The following LAMA4 variants were observed in gnomAD, a reference collection of about 807,000 sequenced individuals.
LAMA4 encodes laminin subunit alpha 4, also known as laminin subunit alpha-4.
In LAMA4, 127 loss-of-function variants were observed where a neutral mutation model predicts 207.1. The observed-to-expected ratio is 0.61, with a 90% CI of 0.53 to 0.71. The LOEUF (loss-of-function observed/expected upper bound fraction) is 0.71, where lower values mean the gene tolerates loss of function less well. Ranked by LOEUF, LAMA4 falls within the 30% of genes least tolerant of loss-of-function variation. The pLI is 0.00. For missense variants in LAMA4, 2,093 were observed against 2,246.5 expected (o/e 0.93, Z 1.38); for synonymous variants, 761 against 816.0 (o/e 0.93, Z 1.15).
chr6:112,141,557 T>C, intron 20 of LAMA4, 54 bp from the exon 21 acceptor site: 1 of 1,344,248 alleles, frequency 7.4e-7, no homozygotes, highest in Admixed American at 1.7e-5. Flanking sequence ...AGAATGAACA[T>C]CATCTTTTTT....
chr6:112,164,740 G>T (rs538788530), intron 13 of LAMA4, among the ~76,000 whole-genome samples: 3 of 152,280 alleles, frequency 2.0e-5, no homozygotes, highest in African/African-American at 7.2e-5. Flanking sequence ...TTGAATGCCA[G>T]ATTTATCAAA....
At chr6:112,201,574 C>A in intron 5 of LAMA4, 34 bp downstream of exon 5, 2 of 1,549,012 alleles carry the variant, frequency 1.3e-6, no homozygotes, top group Non-Finnish European at 1.8e-6. Context: ...CTTCCTTTGA[C>A]CCACACAGAA....
intron 4 of LAMA4, among the ~76,000 whole-genome samples, chr6:112,205,665 C>T (rs1326176904): frequency 6.6e-6 from 1 of 151,988 alleles, no homozygotes; most frequent in Non-Finnish European, 1.5e-5. Context: ...ATAACAGGCA[C>T]CTTTCAACCA....
intron 2 of LAMA4, among the ~76,000 whole-genome samples, chr6:112,245,770 C>G (rs1786865780): frequency 6.6e-6 from 1 of 152,136 alleles, no homozygotes; most frequent in African/African-American, 2.4e-5. Context: ...TTTAGGTAAA[C>G]ACGGATCTCT....
intron 2 of LAMA4, among the ~76,000 whole-genome samples, chr6:112,250,745 T>C (rs1307340939): frequency 6.6e-6 from 1 of 152,178 alleles, no homozygotes; most frequent in African/African-American, 2.4e-5. Flanking sequence ...TCCAACCTCA[T>C]GTTCTTGACC....
intron 2 of LAMA4, among the ~76,000 whole-genome samples, chr6:112,231,663 T>C (rs531037591): frequency 6.6e-6 from 1 of 152,316 alleles, no homozygotes; most frequent in Admixed American, 6.5e-5. Context: ...TTGTGTAATA[T>C]ACACCAGCAT....
chr6:112,143,579 C>T lies in LAMA4; in HGVS notation c.2493+1215G>A, dbSNP rs150185697. ...GATTACAGGCATGAGCCACCGCACC[C>T]GGCCAAGACCAATACATCTTAATAA... is the stretch of plus-strand genomic sequence containing the variant. On this transcript the variant is annotated intron_variant, in intron 19 of 38. Transcript: ENST00000230538. 2.9e-3 allele frequency among the ~76,000 whole-genome samples: 442 copies of T among 152,258 alleles called. 2 individuals carry two copies. Among genetic ancestry groups the T allele is most frequent in the African/African-American group, 0.01 (418 of 41,526 alleles).
In LAMA4 at chr6:112,207,537, C is replaced by CCAACCAACCAACCAACCAACCAAA. The variant is rs562898394; in HGVS notation, c.298-393_298-392insTTTGGTTGGTTGGTTGGTTGGTTG. 5.5e-3 allele frequency among the ~76,000 whole-genome samples: 836 copies of CCAACCAACCAACCAACCAACCAAA among 151,088 alleles called. 14 individuals are homozygous for CCAACCAACCAACCAACCAACCAAA. Among genetic ancestry groups the CCAACCAACCAACCAACCAACCAAA allele is most frequent in the African/African-American group, 0.019 (790 of 40,558 alleles). ...AATGAGAAACCAACCAACCAACCAA[C>CCAACCAACCAACCAACCAACCAAA]CAAACAAACAAACATCCCCCTGGTA... is the stretch of plus-strand genomic sequence containing the variant. On this transcript the variant is annotated intron_variant, in intron 3 of 38. Transcript: ENST00000230538.
intron 12 of LAMA4, among the ~76,000 whole-genome samples, chr6:112,170,500 A>G (rs1348879577): frequency 6.6e-6 from 1 of 152,212 alleles, no homozygotes; most frequent in Non-Finnish European, 1.5e-5. Flanking sequence ...GGCTAGGGGT[A>G]TGGGCTTAAA....
chr6:112,112,560 T>C (rs1340350895), intron 38 of LAMA4, among the ~76,000 whole-genome samples: 2 of 152,244 alleles, frequency 1.3e-5, no homozygotes, highest in African/African-American at 2.4e-5. Context: ...ATGCTGCACC[T>C]GCATGAAGTG....
At chr6:112,253,525 GAC>G (rs1338859927) in intron 2 of LAMA4, 3 of 487,994 alleles carry the variant, frequency 6.1e-6, no homozygotes, top group Non-Finnish European at 1.1e-5. Flanking sequence ...TCTAATATGA[GAC>G]AAAAAGATCC....
At position 112,189,079 on chromosome 6, in the gene LAMA4, G is replaced by T. The variant is rs372983171; in HGVS notation, c.814+31C>A. 3 of 1,445,284 alleles carry T rather than the reference G, an allele frequency of 2.1e-6. No homozygotes were observed. In the African/African-American group the frequency reaches 4.2e-5, roughly 20 times the overall value. The allele number at this position is 1,445,284 out of a possible 1,614,324, so 89.5% of individuals were successfully genotyped here. A position where few individuals can be genotyped will look rare whatever the true frequency, so the allele number is the denominator to read the frequency against. On this transcript the variant is annotated intron_variant, in intron 7 of 38. Coordinates refer to ENST00000230538, the MANE Select transcript of LAMA4 (RefSeq NM_001105206.3). The stretch of plus-strand genomic sequence containing the variant: ...CACCTGCAGCACATTAGAGAAAGTG[G>T]GGTTAGTCAATCATGTACTGTTATT...
rs117080421 is a variant in LAMA4, at chr6:112,155,306, A to G, written c.1959+259T>C. ...CAGCAAGAACTAATTTTAAATACAT[A>G]TTTTTTTTTTCAGGGACTTTGGCTA... On this transcript the variant is annotated intron_variant, in intron 15 of 38. Transcript: ENST00000230538. 480 of 523,824 alleles carry G rather than the reference A, an allele frequency of 9.2e-4. 4 individuals are homozygous for G. The East Asian group carries it at 0.013, about 14-fold the overall frequency. 32.4% of individuals were successfully genotyped at this position (523,824 alleles called of 1,614,324 possible). A position where few individuals can be genotyped will look rare whatever the true frequency, so the allele number is the denominator to read the frequency against.
rs11332305 is a variant in LAMA4 at position 112,154,656 on chromosome 6, A to ATTT, written c.2056+192_2056+194dup. On this transcript the variant is annotated intron_variant, in intron 16 of 38. Transcript: ENST00000230538. Reference sequence around the variant, plus strand: ...GTTTCCATGTAGTTTACTACATAGCATTTTTTTTTTCAATCACAATTTAAA... The same window carrying ATTT: ...GTTTCCATGTAGTTTACTACATAGCATTTTTTTTTTTTTCAATCACAATTTAAA... 3.4e-4 allele frequency: 193 copies of ATTT among 568,012 alleles called. No individual in the cohort carries two copies. The African/African-American group carries it at 3.4e-3, about 10-fold the overall frequency. 35.2% of individuals were successfully genotyped at this position (568,012 alleles called of 1,614,324 possible).
Position 112,133,476 on chromosome 6 carries a change from G to T in LAMA4, c.3569C>A (p.Ala1190Glu), listed in dbSNP as rs1554330594. 1 of 1,613,572 alleles carries T rather than the reference G, an allele frequency of 6.2e-7. No individual in the cohort carries two copies. Among genetic ancestry groups the T allele is most frequent in the Non-Finnish European group, 8.5e-7 (1 of 1,179,640 alleles). Reference protein sequence around the residue: ...PEILQSRALRAHLPLDINFRG... With the variant: ...PEILQSRALREHLPLDINFRG... ...GAAGTTGATATCTAGGGGAAGGTGTGCTCTGAGGGCCCTGGAAAAGAAAGT... is the reference window on the plus strand; with the variant it reads ...GAAGTTGATATCTAGGGGAAGGTGTTCTCTGAGGGCCCTGGAAAAGAAAGT... Residue 1190 changes from alanine (A) to glutamate (E), a missense_variant, in exon 27 of 39, where the codon GCA becomes GAA. Transcript: ENST00000230538.
At chr6:112,244,695 C>A (rs782723374) in intron 2 of LAMA4, among the ~76,000 whole-genome samples, 4 of 152,126 alleles carry the variant, frequency 2.6e-5, no homozygotes, top group Non-Finnish European at 5.9e-5. Flanking sequence ...GGTCAAGCAC[C>A]CACACCTCCC....
chr6:112,144,675 A>T (rs550553882), intron 19 of LAMA4, 119 bp downstream of exon 19: 1 of 1,171,998 alleles, frequency 8.5e-7, no homozygotes, highest in Admixed American at 1.7e-5. Flanking sequence ...GGGGCTGAGA[A>T]CTACTGAGTT....
chr6:112,134,233 A>G (rs1779203661), intron 26 of LAMA4, among the ~76,000 whole-genome samples: 1 of 152,234 alleles, frequency 6.6e-6, no homozygotes, highest in Non-Finnish European at 1.5e-5. Flanking sequence ...ATCATGTTCT[A>G]AGAGTAATAC....
intron 8 of LAMA4, among the ~76,000 whole-genome samples, chr6:112,186,561 C>G (rs1185473905): frequency 6.6e-6 from 1 of 152,126 alleles, no homozygotes; most frequent in Admixed American, 6.5e-5. Flanking sequence ...GGAGATTGGT[C>G]CCAGGACCCC....
Sources: gnomAD v4.1 joint callset for allele counts (sites outside exome capture counted in the v4.1 genomes callset) on GRCh38, gnomAD v4.1.1 for gene constraint, MANE v1.5 for transcripts, NCBI Gene and HGNC (gene_info 2026-07-23, HGNC 2026-07-21) for gene names.